The following SOCS6 variants were observed in gnomAD, a reference collection of about 807,000 sequenced individuals.
SOCS6 encodes the protein STAT induced STAT inhibitor-4.
SOCS6 carries 5 observed loss-of-function variants against 27.7 expected under a neutral mutation model. That is an observed-to-expected ratio of 0.18 (90% CI 0.09 to 0.38). The LOEUF (loss-of-function observed/expected upper bound fraction) is 0.38. Ranked by LOEUF, SOCS6 falls within the 10% of genes least tolerant of loss-of-function variation. The pLI is 1.00. For missense variants in SOCS6, 595 were observed against 688.1 expected (o/e 0.86, Z 1.51); for synonymous variants, 271 against 260.0 (o/e 1.04, Z -0.41).
At chr18:70,299,746 T>G (rs1456846872) in intron 1 of SOCS6, among the ~76,000 whole-genome samples, 1 of 152,202 alleles carries the variant, frequency 6.6e-6, no homozygotes, top group Non-Finnish European at 1.5e-5. Context: ...ATATAGGAAC[T>G]GTGCCAGGAA....
intron 1 of SOCS6, among the ~76,000 whole-genome samples, chr18:70,322,967 A>G (rs1055365723): frequency 6.6e-5 from 10 of 152,204 alleles, no homozygotes; most frequent in Non-Finnish European, 1.3e-4. Flanking sequence ...TTATCTGTTC[A>G]TACATCTGTC....
chr18:70,325,581 G>C lies in SOCS6; in HGVS notation c.913G>C (p.Asp305His), dbSNP rs143750530. The C allele has an allele frequency of 3.1e-6, 5 of 1,614,180 alleles. No homozygotes were observed. Among genetic ancestry groups the C allele is most frequent in the Non-Finnish European group, 4.2e-6 (5 of 1,180,022 alleles). Residue 305 changes from aspartate (D) to histidine (H), a missense_variant, in exon 2 of 2, where the codon GAT (aspartate) becomes CAT (histidine). Physicochemically the swap from Asp to His is moderately conservative, Grantham distance 81. This residue lies in a region of SOCS6 where 467 missense variants were observed against 481.1 expected (regional missense o/e 0.97). Transcript: ENST00000397942. The surrounding 1 kb of genome is among the most constrained non-coding windows in gnomAD (Gnocchi z 6.3). Reference protein sequence around the residue: ...VMLQSPRAGHDDVPPLSPLLP... With the variant: ...VMLQSPRAGHHDVPPLSPLLP... ...GTTGCAGAGCCCGAGAGCGGGTCAC[G>C]ATGATGTCCCTCCACTCTCACCATT...
chr18:70,312,265 A>G (rs140800680), intron 1 of SOCS6, among the ~76,000 whole-genome samples: 74 of 152,234 alleles, frequency 4.9e-4, no homozygotes, highest in African/African-American at 1.7e-3. Context: ...GTAGGCCAAT[A>G]TGTGGTCTGT....
intron 1 of SOCS6, among the ~76,000 whole-genome samples, chr18:70,323,829 G>A (rs1363011482): frequency 6.6e-6 from 1 of 152,188 alleles, no homozygotes. Context: ...TTACTGTCGT[G>A]CCAGGACACA....
In SOCS6 at chr18:70,302,259, G is replaced by A. The variant is rs1463195973; in HGVS notation, c.-127+13169G>A. On this transcript the variant is annotated intron_variant, in intron 1 of 1. Transcript: ENST00000397942. ...GGAGCCGAGTCCAAGGTCTTCTGAT[G>A]TCGTTCCTTTTCTTGGTGAAATAGG... is the stretch of plus-strand genomic sequence containing the variant. Among the ~76,000 whole-genome samples the A allele has an allele frequency of 1.3e-4, 19 of 151,912 alleles. 1 individual carries two copies. Among genetic ancestry groups the A allele is most frequent in the Non-Finnish European group, 2.9e-5 (2 of 68,002 alleles).
intron 1 of SOCS6, among the ~76,000 whole-genome samples, chr18:70,319,763 A>G (rs1910907094): frequency 6.6e-6 from 1 of 152,164 alleles, no homozygotes; most frequent in Admixed American, 6.5e-5. Flanking sequence ...TCCAGTACAT[A>G]CTGAAGAAGG....
chr18:70,307,295 A>G (rs2062373538), intron 1 of SOCS6, among the ~76,000 whole-genome samples: 1 of 152,166 alleles, frequency 6.6e-6, no homozygotes, highest in Non-Finnish European at 1.5e-5. Flanking sequence ...ATCAGTGTTC[A>G]TGATGGATAT....
In SOCS6 at chr18:70,325,170, C is replaced by G; in HGVS notation, c.502C>G (p.Leu168Val). ...LVHSSSPSPALNGVRKDFHDL... is the reference protein window; with the variant it reads ...LVHSSSPSPAVNGVRKDFHDL... ...TCACTCTTCCAGCCCGAGTCCAGCC[C>G]TGAATGGCGTCCGGAAGGATTTCCA... Residue 168 changes from leucine to valine, a missense_variant, in exon 2 of 2, where the codon CTG becomes GTG. By Grantham distance (32) the Leu-to-Val change is conservative. Around this residue, in one of 2 missense-constraint regions of SOCS6, gnomAD observed 467 missense variants for 481.1 expected, o/e 0.97. Transcript: ENST00000397942. The surrounding 1 kb of genome is among the most constrained non-coding windows in gnomAD (Gnocchi z 6.3). 6.2e-7 allele frequency: 1 copy of G among 1,614,134 alleles called. No individual in the cohort carries two copies.
chr18:70,304,775 A>G (rs2062362184), intron 1 of SOCS6, among the ~76,000 whole-genome samples: 1 of 152,222 alleles, frequency 6.6e-6, no homozygotes. Flanking sequence ...TTTGAAACAC[A>G]AACACTTTTA....
At chr18:70,319,889 GATT>G (rs1404359995) in intron 1 of SOCS6, among the ~76,000 whole-genome samples, 2 of 152,022 alleles carry the variant, frequency 1.3e-5, no homozygotes, top group African/African-American at 4.8e-5. Context: ...AGACACACAT[GATT>G]ATTCCATGTG....
intron 1 of SOCS6, among the ~76,000 whole-genome samples, chr18:70,309,342 G>A (rs1251607869): frequency 1.3e-5 from 2 of 151,836 alleles, no homozygotes; most frequent in African/African-American, 4.8e-5. Context: ...CTGGAGTAAG[G>A]GTTTATTAGT....
At chr18:70,317,603 A>G (rs927558789) in intron 1 of SOCS6, among the ~76,000 whole-genome samples, 2 of 150,960 alleles carry the variant, frequency 1.3e-5, no homozygotes, top group African/African-American at 4.9e-5. Context: ...TTATCCACTC[A>G]TTGGTTGATG....
chr18:70,310,716 A>G (rs907016643), intron 1 of SOCS6, among the ~76,000 whole-genome samples: 10 of 152,044 alleles, frequency 6.6e-5, no homozygotes, highest in African/African-American at 2.2e-4. Flanking sequence ...TCATTAGGAA[A>G]TAGTAGTTGC....
intron 1 of SOCS6, among the ~76,000 whole-genome samples, chr18:70,294,244 A>G (rs2051193976): frequency 6.6e-6 from 1 of 152,140 alleles, no homozygotes; most frequent in African/African-American, 2.4e-5. Flanking sequence ...AGTAATAGTA[A>G]TAATTCCTAT....
chr18:70,293,323 T>C (rs1009421993), intron 1 of SOCS6, among the ~76,000 whole-genome samples: 1 of 152,186 alleles, frequency 6.6e-6, no homozygotes, highest in Non-Finnish European at 1.5e-5. Flanking sequence ...AAAGTCCTTA[T>C]CATTACATGG....
chr18:70,307,134 G>A (rs2062372762), intron 1 of SOCS6, among the ~76,000 whole-genome samples: 2 of 152,090 alleles, frequency 1.3e-5, no homozygotes, highest in African/African-American at 2.4e-5. Context: ...GTGCTGGTGC[G>A]TGCCTGTAGT....
At chr18:70,299,051 G>T (rs1227351329) in intron 1 of SOCS6, among the ~76,000 whole-genome samples, 1 of 152,170 alleles carries the variant, frequency 6.6e-6, no homozygotes, top group Non-Finnish European at 1.5e-5. Flanking sequence ...GAACCCGGGA[G>T]GTGGAGCTTA....
intron 1 of SOCS6, among the ~76,000 whole-genome samples, chr18:70,323,382 T>C (rs1273976878): frequency 6.6e-6 from 1 of 152,184 alleles, no homozygotes; most frequent in Non-Finnish European, 1.5e-5. Context: ...CAGAAAGTCT[T>C]TACAGAATTG....
intron 1 of SOCS6, among the ~76,000 whole-genome samples, chr18:70,321,162 T>C (rs1276730410): frequency 6.6e-6 from 1 of 151,680 alleles, no homozygotes; most frequent in Non-Finnish European, 1.5e-5. Flanking sequence ...TAGTACCAAC[T>C]GCTCAGGAGG....
Sources: gnomAD v4.1 joint callset for allele counts (sites outside exome capture counted in the v4.1 genomes callset) on GRCh38, gnomAD v4.1.1 for gene constraint, gnomAD v4.1.1 regional missense constraint, Gnocchi (gnomAD v3.1) non-coding constraint, MANE v1.5 for transcripts, NCBI Gene and HGNC (gene_info 2026-07-23, HGNC 2026-07-21) for gene names.